Variants in METTL15 observed in about 807,000 individuals in gnomAD.
METTL15 encodes the protein 12S rRNA N(4)-cytidine methyltransferase METTL15.
Under a neutral mutation model 38.3 loss-of-function variants are expected in METTL15, and 34 were observed. The ratio of observed to expected loss-of-function variants is 0.89; its 90% CI spans 0.68 to 1.18. The LOEUF (loss-of-function observed/expected upper bound fraction) is 1.18. METTL15 is among the 50% of genes most tolerant of loss of function. METTL15 has a pLI of 0.00. For synonymous variants in METTL15, 162 were observed against 170.9 expected (o/e 0.95, Z 0.41); for missense variants, 438 against 498.4 (o/e 0.88, Z 1.15).
downstream of METTL15, among the ~76,000 whole-genome samples, chr11:28,338,253 T>C (rs992226171): frequency 1.3e-5 from 2 of 152,060 alleles, no homozygotes; most frequent in African/African-American, 4.8e-5. Flanking sequence ...ACCTATTTTC[T>C]GTTTTCTTTC....
chr11:28,136,814 T>C (rs1043741503), intron 3 of METTL15, among the ~76,000 whole-genome samples: 14 of 152,002 alleles, frequency 9.2e-5, no homozygotes, highest in African/African-American at 3.4e-4. Flanking sequence ...GGGAAATATG[T>C]TAAATATATA....
intron 6 of METTL15, among the ~76,000 whole-genome samples, chr11:28,324,098 T>C (rs919486635): frequency 1.3e-5 from 2 of 152,244 alleles, no homozygotes; most frequent in East Asian, 3.8e-4. Flanking sequence ...AATTTCCTTT[T>C]GTAGTCAGTT....
chr11:28,390,051 T>G (rs1341775633), intron 5 of METTL15, among the ~76,000 whole-genome samples: 4 of 151,356 alleles, frequency 2.6e-5, no homozygotes, highest in Non-Finnish European at 4.4e-5. Context: ...TGTCTGTTCA[T>G]ATCCTTTGCC....
chr11:28,330,356 T>C, intron 6 of METTL15, 40 bp from the exon 7 acceptor site: 1 of 1,449,172 alleles, frequency 6.9e-7, no homozygotes, highest in South Asian at 1.4e-5. Context: ...ATATTAATGT[T>C]ACCGGTCTTC....
At chr11:28,397,313 AAT>A (rs1303789210) in intron 5 of METTL15, among the ~76,000 whole-genome samples, 2 of 151,802 alleles carry the variant, frequency 1.3e-5, no homozygotes, top group Non-Finnish European at 3.0e-5. Flanking sequence ...CAACCTACAG[AAT>A]GGGAGAAAAT....
intron 4 of METTL15, among the ~76,000 whole-genome samples, chr11:28,258,020 C>T (rs985717859): frequency 3.9e-5 from 6 of 152,142 alleles, no homozygotes; most frequent in African/African-American, 1.4e-4. Context: ...TTGTACCCAT[C>T]TTTCTTGGGA....
At chr11:28,471,352 A>G (rs1277854246) in intron 6 of METTL15, among the ~76,000 whole-genome samples, 3 of 152,190 alleles carry the variant, frequency 2.0e-5, no homozygotes, top group Admixed American at 6.6e-5. Flanking sequence ...ATGCATACAT[A>G]TTGAAAGGTG....
chr11:28,497,738 G>A (rs1851547764), intron 6 of METTL15, among the ~76,000 whole-genome samples: 1 of 152,116 alleles, frequency 6.6e-6, no homozygotes, highest in Non-Finnish European at 1.5e-5. Flanking sequence ...GAGCAAGAGA[G>A]GCAAAGTCTC....
chr11:28,350,140 G>A (rs183420249), intron 3 of METTL15, among the ~76,000 whole-genome samples: 16 of 152,170 alleles, frequency 1.1e-4, no homozygotes, highest in African/African-American at 3.1e-4. Flanking sequence ...ATGTGCTCTA[G>A]GGCCTGTAGA....
chr11:28,180,286 T>A (rs1316184564), intron 3 of METTL15, among the ~76,000 whole-genome samples: 1 of 151,864 alleles, frequency 6.6e-6, no homozygotes, highest in Non-Finnish European at 1.5e-5. Context: ...TAAAATGTTT[T>A]CTCTCTGATA....
At chr11:28,113,166 G>A (rs1306642002) in intron 2 of METTL15, among the ~76,000 whole-genome samples, 152 bp from the exon 3 acceptor site, 5 of 151,594 alleles carry the variant, frequency 3.3e-5, no homozygotes, top group Non-Finnish European at 5.9e-5. Flanking sequence ...ATATAAGAAG[G>A]GTTTGTCACC....
At chr11:28,388,550 T>A (rs2133390698) in intron 5 of METTL15, among the ~76,000 whole-genome samples, 1 of 152,182 alleles carries the variant, frequency 6.6e-6, no homozygotes, top group East Asian at 1.9e-4. Flanking sequence ...CTGAAAGCAA[T>A]ACTAAAAGAA....
At chr11:28,315,242 T>C (rs1208200674) in intron 6 of METTL15, among the ~76,000 whole-genome samples, 1 of 152,124 alleles carries the variant, frequency 6.6e-6, no homozygotes, top group Non-Finnish European at 1.5e-5. Context: ...CTGATTGAGA[T>C]ATGGATAATA....
At chr11:28,247,728 A>T (rs1854572483) in intron 4 of METTL15, among the ~76,000 whole-genome samples, 1 of 152,090 alleles carries the variant, frequency 6.6e-6, no homozygotes. Context: ...TTTGTCCCAT[A>T]ATCAACTTTT....
chr11:28,217,445 A>T (rs1346001702), intron 4 of METTL15, among the ~76,000 whole-genome samples: 1 of 152,106 alleles, frequency 6.6e-6, no homozygotes, highest in Non-Finnish European at 1.5e-5. Flanking sequence ...TTCATTGTAG[A>T]TTCTGGATAT....
chr11:28,416,371 AC>A (rs1193882095), intron 5 of METTL15, among the ~76,000 whole-genome samples: 8 of 152,110 alleles, frequency 5.3e-5, no homozygotes, highest in Non-Finnish European at 8.8e-5. Context: ...ATCCACACAG[AC>A]CCTGGAAGCA....
chr11:28,390,025 G>A (rs1334563280), intron 5 of METTL15, among the ~76,000 whole-genome samples: 2 of 151,494 alleles, frequency 1.3e-5, no homozygotes, highest in African/African-American at 2.4e-5. Flanking sequence ...CTGCATAAAT[G>A]TCTTCTTTTG....
chr11:28,189,952 G>T (rs1444546225), intron 3 of METTL15, among the ~76,000 whole-genome samples: 1 of 151,154 alleles, frequency 6.6e-6, no homozygotes, highest in African/African-American at 2.4e-5. Flanking sequence ...CAATGCTATT[G>T]ATTTATAATT....
chr11:28,381,893 C>T (rs1285497810), intron 5 of METTL15, among the ~76,000 whole-genome samples: 1 of 151,332 alleles, frequency 6.6e-6, no homozygotes, highest in Non-Finnish European at 1.5e-5. Flanking sequence ...TTGGGAAGGT[C>T]AAATTTTATG....
Sources: allele counts gnomAD v4.1 joint callset (sites outside exome capture counted in the v4.1 genomes callset), GRCh38; gene constraint gnomAD v4.1.1; transcripts MANE v1.5; gene names NCBI Gene and HGNC (gene_info 2026-07-23, HGNC 2026-07-21).